SUGCT: variants seen among roughly 807,000 people sequenced by gnomAD.
SUGCT encodes the protein succinyl-CoA:glutarate CoA-transferase.
In SUGCT, 41 loss-of-function variants were observed where a neutral mutation model predicts 55.0. The observed-to-expected ratio is 0.74, with a 90% CI of 0.58 to 0.97. The LOEUF is 0.97. Among genes scored for constraint, SUGCT ranks in the 50% least tolerant of loss-of-function variants. The pLI, the probability that SUGCT is intolerant of heterozygous loss-of-function variation, is 0.00. For synonymous variants in SUGCT, 187 were observed against 200.4 expected, an observed-to-expected ratio of 0.93 and a Z score of 0.56; for missense variants, 568 against 547.8, an observed-to-expected ratio of 1.04 and a Z score of -0.37.
intron 6 of SUGCT, among the ~76,000 whole-genome samples, chr7:40,200,901 G>T (rs1399267514): frequency 6.6e-6 from 1 of 152,098 alleles, no homozygotes; most frequent in African/African-American, 2.4e-5. Flanking sequence ...GCAGAGAATG[G>T]TGAGCCCAAA....
At chr7:40,283,139 A>G (rs1368457817) in intron 8 of SUGCT, among the ~76,000 whole-genome samples, 2 of 152,196 alleles carry the variant, frequency 1.3e-5, no homozygotes, top group African/African-American at 2.4e-5. Flanking sequence ...CATATATCTG[A>G]TAAGGGGTTG....
At chr7:40,891,965 G>A in the SUGCT span, among the ~76,000 whole-genome samples, 1 of 151,930 alleles carries the variant, frequency 6.6e-6, no homozygotes, top group East Asian at 1.9e-4. Flanking sequence ...CCGAGATCAT[G>A]CCACTGCACT....
chr7:40,544,224 A>G (rs1254770884), intron 12 of SUGCT, among the ~76,000 whole-genome samples: 1 of 151,666 alleles, frequency 6.6e-6, no homozygotes, highest in Admixed American at 6.6e-5. Flanking sequence ...ATTTGTAGAA[A>G]GGAGATACTT....
intron 13 of SUGCT, among the ~76,000 whole-genome samples, chr7:40,782,170 TA>T (rs1289828932): frequency 1.3e-5 from 2 of 152,040 alleles, no homozygotes; most frequent in Admixed American, 6.6e-5. Flanking sequence ...ATTAATAGAA[TA>T]TTTTTTTCTA....
rs1787537894 is a variant in SUGCT at position 40,742,860 on chromosome 7, T to C, written c.1090-6574T>C. 1.3e-5 allele frequency among the ~76,000 whole-genome samples: 2 copies of C among 152,228 alleles called. 1 individual carries two copies. The highest frequency in any genetic ancestry group is 4.1e-4 in the South Asian group (2 of 4,830). ...CTTTCAAATATTATTCCAAGGTTGT[T>C]TTCCTATTATGCTAAAGGAATGACT... On this transcript the variant is annotated intron_variant, in intron 12 of 13. Coordinates refer to ENST00000335693, the MANE Select transcript of SUGCT (RefSeq NM_001193313.2).
intron 12 of SUGCT, among the ~76,000 whole-genome samples, chr7:40,689,754 G>T (rs998936742): frequency 6.6e-6 from 1 of 151,516 alleles, no homozygotes; most frequent in Admixed American, 6.6e-5. Context: ...TAATTGAGTG[G>T]CAGGGGGTGG....
At chr7:40,983,451 A>G in the SUGCT span, among the ~76,000 whole-genome samples, 1 of 152,136 alleles carries the variant, frequency 6.6e-6, no homozygotes, top group Non-Finnish European at 1.5e-5. Context: ...CTCCAACTTA[A>G]AAACATTGGA....
intron 12 of SUGCT, among the ~76,000 whole-genome samples, chr7:40,678,645 G>A (rs1353494005): frequency 6.6e-6 from 1 of 152,110 alleles, no homozygotes; most frequent in African/African-American, 2.4e-5. Flanking sequence ...TAATAACATA[G>A]AATGAATGGT....
At chr7:40,878,795 CTT>C in the SUGCT span, among the ~76,000 whole-genome samples, 33 of 139,240 alleles carry the variant, frequency 2.4e-4, no homozygotes, top group Non-Finnish European at 2.8e-4. Flanking sequence ...CTTTCTCAAA[CTT>C]TTTTTTTTTT....
At chr7:40,791,651 G>C (rs1018627877) in intron 13 of SUGCT, among the ~76,000 whole-genome samples, 1 of 152,140 alleles carries the variant, frequency 6.6e-6, no homozygotes, top group East Asian at 1.9e-4. Context: ...TCGAATGCTG[G>C]CAAGTTTTTA....
chr7:41,024,529 A>G, the SUGCT span, among the ~76,000 whole-genome samples: 5 of 152,190 alleles, frequency 3.3e-5, no homozygotes, highest in Non-Finnish European at 7.3e-5. Flanking sequence ...GGCAAAGGAT[A>G]TAAATAAGTG....
chr7:40,884,822 C>T, the SUGCT span, among the ~76,000 whole-genome samples: 1 of 152,096 alleles, frequency 6.6e-6, no homozygotes, highest in Non-Finnish European at 1.5e-5. Context: ...TAGGACTTAT[C>T]GTTACTTTAC....
chr7:41,035,843 T>G, the SUGCT span, among the ~76,000 whole-genome samples: 17,033 of 152,146 alleles, frequency 0.11, 3,127 homozygotes, highest in African/African-American at 0.38. Context: ...ACACCTCACC[T>G]CACAGGAACC....
At chr7:40,733,439 A>G (rs932775868) in intron 12 of SUGCT, among the ~76,000 whole-genome samples, 1 of 152,162 alleles carries the variant, frequency 6.6e-6, no homozygotes, top group African/African-American at 2.4e-5. Flanking sequence ...TCTGCCTGCA[A>G]CAAGCAAAGT....
chr7:40,783,423 G>A (rs1226305669), intron 13 of SUGCT: 6 of 151,974 alleles, frequency 3.9e-5, no homozygotes, highest in African/African-American at 1.2e-4. Context: ...CTTTCTTCTC[G>A]TTTAATATTT....
intron 12 of SUGCT, among the ~76,000 whole-genome samples, chr7:40,531,274 G>T (rs1427467883): frequency 1.3e-5 from 2 of 152,166 alleles, no homozygotes; most frequent in Admixed American, 6.5e-5. Context: ...GCTCTGTAAA[G>T]TAACTAGTGT....
At chr7:40,968,898 G>C in the SUGCT span, among the ~76,000 whole-genome samples, 20 of 152,124 alleles carry the variant, frequency 1.3e-4, no homozygotes, top group Non-Finnish European at 4.4e-5. Context: ...CTCCTCACAA[G>C]CACCTGTGGT....
At chr7:40,207,040 A>G (rs1341164521) in intron 6 of SUGCT, among the ~76,000 whole-genome samples, 2 of 151,966 alleles carry the variant, frequency 1.3e-5, no homozygotes, top group Non-Finnish European at 2.9e-5. Flanking sequence ...CTCTATAAAA[A>G]ATAAAAAAAT....
intron 8 of SUGCT, among the ~76,000 whole-genome samples, chr7:40,299,326 C>T (rs1224404738): frequency 6.6e-6 from 1 of 152,192 alleles, no homozygotes; most frequent in South Asian, 2.1e-4. Flanking sequence ...TGTGCTACCA[C>T]GTGACATTGT....
Sources: allele counts gnomAD v4.1 joint callset (sites outside exome capture counted in the v4.1 genomes callset), GRCh38; gene constraint gnomAD v4.1.1; transcripts MANE v1.5; gene names NCBI Gene and HGNC (gene_info 2026-07-23, HGNC 2026-07-21).